Variants in TPCN2 observed in about 807,000 individuals in gnomAD.
TPCN2 encodes the protein two pore channel protein 2.
TPCN2 carries 92 observed loss-of-function variants against 111.4 expected under a neutral mutation model. That is an observed-to-expected ratio of 0.83 (90% CI 0.70 to 0.98). The LOEUF (loss-of-function observed/expected upper bound fraction) is 0.98, where lower values mean the gene tolerates loss of function less well. Ranked by LOEUF, TPCN2 falls within the 50% of genes least tolerant of loss-of-function variation. TPCN2 has a pLI of 0.00. For synonymous variants in TPCN2, 405 were observed against 414.5 expected (o/e 0.98, Z 0.28); for missense variants, 995 against 980.1 (o/e 1.02, Z -0.20).
rs368922472 is a variant in TPCN2 at position 69,078,921 on chromosome 11, C to A, written c.1440C>A (p.Tyr480Ter). The change falls in exon 16 of 25, where the codon TAC (tyrosine) becomes TAA (stop). Residue 480 changes from tyrosine to a stop codon, truncating the protein, a stop_gained. Transcript: ENST00000294309. LOFTEE classifies it high-confidence loss of function. ...TCAACTGCGTCTTCATTGTGTACTA[C>A]CTGTTGGAGATGCTGCTCAAGGTCT... ...GILNCVFIVY[Y>*]LLEMLLKVFA... is the part of the protein sequence containing the mutation. 6.2e-7 allele frequency: 1 copy of A among 1,613,986 alleles called. No individual in the cohort carries two copies. Among genetic ancestry groups the A allele is most frequent in the Non-Finnish European group, 8.5e-7 (1 of 1,180,004 alleles).
chr11:69,055,347 G>C lies in TPCN2; in HGVS notation c.424G>C (p.Val142Leu), dbSNP rs759083583. The C allele has an allele frequency of 1.9e-6, 3 of 1,607,108 alleles. No individual in the cohort carries two copies. Among genetic ancestry groups the C allele is most frequent in the Non-Finnish European group, 2.5e-6 (3 of 1,178,030 alleles). ...CLLVFAADLS[V>L]KGYLFGWAHF... Reference sequence around the variant, plus strand: ...GCTGGTCTTTGCGGCCGACCTCTCTGTGAAGGTGAGGCGGGCGCCAGGCCC... The same window carrying C: ...GCTGGTCTTTGCGGCCGACCTCTCTCTGAAGGTGAGGCGGGCGCCAGGCCC... The change falls in exon 4 of 25, where the codon GTG becomes CTG. Residue 142 changes from valine (V) to leucine (L), a missense_variant. Physicochemically the swap from Val to Leu is conservative, Grantham distance 32. Coordinates refer to ENST00000294309, the MANE Select transcript of TPCN2 (RefSeq NM_139075.4).
At chr11:69,065,758 G>T (rs1222546390) in intron 7 of TPCN2, among the ~76,000 whole-genome samples, 1 of 152,228 alleles carries the variant, frequency 6.6e-6, no homozygotes, top group Non-Finnish European at 1.5e-5. Flanking sequence ...CCAAGAACCA[G>T]GGTTGGTGTT....
Position 69,054,738 on chromosome 11 carries a change from C to A in TPCN2, c.192C>A (p.His64Gln). 6.2e-7 allele frequency: 1 copy of A among 1,614,188 alleles called. No homozygotes were observed. The highest frequency in any genetic ancestry group is 2.2e-5 in the East Asian group (1 of 44,880). ...EDAIQYRSIN[H>Q]RVDASSMWLY... ...GCTTGTAGTACCGCTCCATCAACCA[C>A]CGGGTGGATGCCAGCTCGATGTGGC... The change falls in exon 3 of 25, where the codon CAC becomes CAA. Residue 64 changes from histidine to glutamine, a missense_variant. Physicochemically the swap from His to Gln is conservative, Grantham distance 24. Coordinates refer to ENST00000294309, the MANE Select transcript of TPCN2 (RefSeq NM_139075.4).
chr11:69,063,955 C>T lies in TPCN2; in HGVS notation c.714C>T (p.Phe238=), dbSNP rs140238536. The T allele has an allele frequency of 6.2e-4, 1,002 of 1,614,098 alleles. 11 individuals are homozygous for T. The East Asian group carries it at 0.015, about 24-fold the overall frequency. Residue 238 remains phenylalanine (F), a synonymous_variant, in exon 7 of 25, where the codon TTC becomes TTT. Transcript: ENST00000294309. ...TCACCATGTTCGGAATGCTGCTGTT[C>T]GCTGGTGGGAAGGTAGGGCACCCGT... ...CLFTMFGMLL[F]AGGKQDDGQD...
intron 11 of TPCN2, among the ~76,000 whole-genome samples, chr11:69,072,280 C>G (rs1305820430): frequency 6.6e-6 from 1 of 152,212 alleles, no homozygotes; most frequent in African/African-American, 2.4e-5. Flanking sequence ...CTTCTTGTCC[C>G]CCTTTGTGCT....
At chr11:69,052,609 G>C (rs1861279574) in intron 1 of TPCN2, among the ~76,000 whole-genome samples, 1 of 152,066 alleles carries the variant, frequency 6.6e-6, no homozygotes, top group Non-Finnish European at 1.5e-5. Flanking sequence ...GTGAGGGTGG[G>C]GTCCGGTCTC....
At chr11:69,078,428 G>C in intron 13 of TPCN2, 54 bp from the exon 14 acceptor site, 1 of 1,601,698 alleles carries the variant, frequency 6.2e-7, no homozygotes, top group African/African-American at 1.3e-5. Context: ...TTTTTGGGCT[G>C]CAACAGCCAC....
chr11:69,059,917 C>T lies in TPCN2; in HGVS notation c.546+2223C>T, dbSNP rs541477409. Among the ~76,000 whole-genome samples, 6 of 152,302 alleles carry T rather than the reference C, an allele frequency of 3.9e-5. No homozygotes were observed. In the South Asian group the frequency reaches 1.2e-3, roughly 32 times the overall value. ...CACCAGGCATAGCCTCCGTGTCTGT[C>T]GTGGTGGTTGCTTTGTGTGTGGTGG... is the stretch of plus-strand genomic sequence containing the variant. On this transcript the variant is annotated intron_variant, in intron 5 of 24. Coordinates refer to ENST00000294309, the MANE Select transcript of TPCN2 (RefSeq NM_139075.4).
chr11:69,053,328 A>G (rs558148989), intron 1 of TPCN2, among the ~76,000 whole-genome samples: 111 of 152,252 alleles, frequency 7.3e-4, no homozygotes, highest in Non-Finnish European at 1.4e-3. Context: ...CCTGGGAGTG[A>G]TTTGGGTGGG....
At chr11:69,086,348 C>T (rs1057443036) in intron 22 of TPCN2, among the ~76,000 whole-genome samples, 175 bp from the exon 23 acceptor site, 4 of 152,178 alleles carry the variant, frequency 2.6e-5, no homozygotes, top group African/African-American at 9.7e-5. Flanking sequence ...GCTTGTTGCA[C>T]GTTTCTAGGC....
rs751610810 is a variant in TPCN2, at chr11:69,085,839, C to T, written c.1921-9C>T. The T allele has an allele frequency of 2.5e-6, 4 of 1,614,070 alleles. No individual in the cohort carries two copies. The South Asian group carries it at 4.4e-5, about 18-fold the overall frequency. ...GGCCCTCCTGGACCGCTGGTCTCTG[C>T]CCCCGCAGGCTGCCCTGGTCACTCT... On this transcript the variant is annotated splice_polypyrimidine_tract_variant and intron_variant, in intron 21 of 24. Coordinates refer to ENST00000294309, the MANE Select transcript of TPCN2 (RefSeq NM_139075.4).
intron 20 of TPCN2, 135 bp downstream of exon 20, chr11:69,085,421 C>A: frequency 1.1e-6 from 1 of 922,524 alleles, no homozygotes; most frequent in Non-Finnish European, 1.7e-6. Flanking sequence ...TCTCCTCCCT[C>A]CACCCCCTTT....
At chr11:69,071,089 G>A (rs1339042513) in intron 9 of TPCN2, among the ~76,000 whole-genome samples, 1 of 86,100 alleles carries the variant, frequency 1.2e-5, no homozygotes, top group South Asian at 4.7e-4. Context: ...CCCATGCCAC[G>A]GCTTCACCCC....
chr11:69,063,060 G>A (rs983382592), intron 6 of TPCN2, 70 bp downstream of exon 6: 5 of 1,394,504 alleles, frequency 3.6e-6, no homozygotes, highest in East Asian at 2.3e-5. Flanking sequence ...ACGTGGTTGC[G>A]GGTGGGGCCC....
At chr11:69,086,218 C>T (rs1047694128) in intron 22 of TPCN2, among the ~76,000 whole-genome samples, 6 of 152,102 alleles carry the variant, frequency 3.9e-5, no homozygotes, top group South Asian at 4.1e-4. Flanking sequence ...GGGGGAGCCC[C>T]GGGAAGGCTG....
intron 7 of TPCN2, among the ~76,000 whole-genome samples, chr11:69,065,884 G>T (rs1322627000): frequency 1.3e-5 from 2 of 152,174 alleles, no homozygotes; most frequent in Non-Finnish European, 2.9e-5. Flanking sequence ...AGGTTGGGCA[G>T]GAGCCCAGGG....
At chr11:69,084,129 G>A in intron 19 of TPCN2, 113 bp downstream of exon 19, 1 of 1,121,470 alleles carries the variant, frequency 8.9e-7, no homozygotes, top group Non-Finnish European at 1.3e-6. Flanking sequence ...AAGGTTCTTG[G>A]GTTCGGACGG....
chr11:69,067,676 G>A, intron 8 of TPCN2, 71 bp downstream of exon 8: 1 of 1,459,888 alleles, frequency 6.8e-7, no homozygotes, highest in Non-Finnish European at 9.5e-7. Context: ...TTGGGCTGCT[G>A]AGCCTTAGAA....
At chr11:69,058,859 T>A (rs1396930991) in intron 5 of TPCN2, among the ~76,000 whole-genome samples, 1 of 152,244 alleles carries the variant, frequency 6.6e-6, no homozygotes, top group Non-Finnish European at 1.5e-5. Context: ...CATTTCTGAG[T>A]TACGGTTGTG....
Sources: allele counts gnomAD v4.1 joint callset (sites outside exome capture counted in the v4.1 genomes callset), GRCh38; gene constraint gnomAD v4.1.1; transcripts MANE v1.5; gene names NCBI Gene and HGNC (gene_info 2026-07-23, HGNC 2026-07-21).